Variants in CADPS observed in about 807,000 individuals in gnomAD.
The protein encoded by CADPS is calcium-dependent secretion activator 1.
A neutral mutation model predicts 167.3 loss-of-function variants in CADPS; 57 were observed. That is an observed-to-expected ratio of 0.34 (90% CI 0.28 to 0.42). The LOEUF is 0.42. Ranked by LOEUF, CADPS falls within the 20% of genes least tolerant of loss-of-function variation. The probability of loss-of-function intolerance (pLI) is 1.00; values close to 1 mark genes in which losing one functional copy is unlikely to be tolerated. For missense variants in CADPS, 1,414 were observed against 1,738.1 expected (o/e 0.81, Z 3.32); for synonymous variants, 676 against 635.3 (o/e 1.06, Z -0.96).
At chr3:62,403,834 A>C (rs540673859) in intron 28 of CADPS, 1 of 152,308 alleles carries the variant, frequency 6.6e-6, no homozygotes, top group East Asian at 1.9e-4. Flanking sequence ...AACACCAAAA[A>C]ATTATGGAAG....
chr3:62,690,624 T>C (rs1228788191), intron 3 of CADPS, among the ~76,000 whole-genome samples: 1 of 151,776 alleles, frequency 6.6e-6, no homozygotes, highest in African/African-American at 2.4e-5. Flanking sequence ...CAAATTCTGC[T>C]TGGTACCCAC....
intron 1 of CADPS, among the ~76,000 whole-genome samples, chr3:62,864,645 T>C (rs967787223): frequency 6.6e-6 from 1 of 152,150 alleles, no homozygotes; most frequent in Non-Finnish European, 1.5e-5. Flanking sequence ...GATTTCCCCA[T>C]TTTATAAGGA....
Position 62,428,296 on chromosome 3 carries a change from CTTTTTTTTTTTT to C in CADPS, c.3777+9796_3777+9807del, listed in dbSNP as rs34002756. ...TTGCAGCCACCTGGTGGAAGCAAGA[CTTTTTTTTTTTT>C]TTTTTTTTTTTTTTTTTTTTTAAAT... On this transcript the variant is annotated intron_variant, in intron 28 of 29. Transcript: ENST00000383710. Among the ~76,000 whole-genome samples, 638 of 64,682 alleles carry C rather than the reference CTTTTTTTTTTTT, an allele frequency of 9.9e-3. 6 individuals are homozygous for C. Among genetic ancestry groups the C allele is most frequent in the South Asian group, 0.017 (29 of 1,698 alleles). The allele number at this position is 64,682 out of a possible 152,430, so 42.4% of individuals were successfully genotyped here.
intron 13 of CADPS, among the ~76,000 whole-genome samples, chr3:62,519,523 A>G (rs1425894640): frequency 6.6e-6 from 1 of 152,138 alleles, no homozygotes; most frequent in Non-Finnish European, 1.5e-5. Flanking sequence ...TGTTCAGTCC[A>G]TTTCTTCATA....
intron 17 of CADPS, among the ~76,000 whole-genome samples, chr3:62,509,957 C>T (rs2151511906): frequency 6.6e-6 from 1 of 152,256 alleles, no homozygotes; most frequent in Admixed American, 6.5e-5. Context: ...AATCACAGCT[C>T]CTTCATCTGT....
At chr3:62,691,375 A>G (rs191360794) in intron 3 of CADPS, among the ~76,000 whole-genome samples, 1 of 152,024 alleles carries the variant, frequency 6.6e-6, no homozygotes, top group Non-Finnish European at 1.5e-5. Flanking sequence ...TTACAAATGC[A>G]TCATTCTGTT....
chr3:62,775,968 C>A (rs1041142404), intron 1 of CADPS, among the ~76,000 whole-genome samples: 1 of 152,162 alleles, frequency 6.6e-6, no homozygotes, highest in Non-Finnish European at 1.5e-5. Flanking sequence ...GGCACCACTG[C>A]CTTGGTTTGT....
chr3:62,773,450 G>A (rs1192413213), intron 1 of CADPS, among the ~76,000 whole-genome samples: 1 of 152,014 alleles, frequency 6.6e-6, no homozygotes. Context: ...GCAAGTTGAA[G>A]GGGGAAAAAC....
At chr3:62,757,777 A>G (rs1227376768) in intron 2 of CADPS, among the ~76,000 whole-genome samples, 2 of 152,234 alleles carry the variant, frequency 1.3e-5, no homozygotes, top group Non-Finnish European at 2.9e-5. Flanking sequence ...ATGGATTCAC[A>G]GTTCCACATG....
intron 3 of CADPS, among the ~76,000 whole-genome samples, chr3:62,733,848 ACCCTTCCTCCAGAG>A (rs1411583308): frequency 1.3e-5 from 2 of 151,846 alleles, no homozygotes; most frequent in African/African-American, 2.4e-5. Context: ...CCCAACTCCT[ACCCTTCCTCCAGAG>A]TCCCCAAAGC....
At chr3:62,794,547 C>A (rs1217657750) in intron 1 of CADPS, among the ~76,000 whole-genome samples, 1 of 152,068 alleles carries the variant, frequency 6.6e-6, no homozygotes, top group Non-Finnish European at 1.5e-5. Context: ...AACCATTCTG[C>A]ATAAGATGTT....
At chr3:62,797,710 C>T (rs557886540) in intron 1 of CADPS, among the ~76,000 whole-genome samples, 2 of 151,972 alleles carry the variant, frequency 1.3e-5, no homozygotes, top group Admixed American at 6.6e-5. Context: ...AAATAACTAA[C>T]GGGTACTAGG....
At chr3:62,409,747 C>G (rs936639564) in intron 28 of CADPS, among the ~76,000 whole-genome samples, 5 of 152,134 alleles carry the variant, frequency 3.3e-5, no homozygotes, top group Non-Finnish European at 5.9e-5. Flanking sequence ...GATACAAAAG[C>G]TATAACGTTG....
intron 3 of CADPS, among the ~76,000 whole-genome samples, chr3:62,706,053 T>C (rs1483116037): frequency 1.3e-5 from 2 of 152,104 alleles, no homozygotes; most frequent in Non-Finnish European, 2.9e-5. Context: ...GTTGTCACTA[T>C]CTGGGCTGCC....
At chr3:62,527,083 T>G (rs2072452458) in intron 13 of CADPS, among the ~76,000 whole-genome samples, 1 of 152,196 alleles carries the variant, frequency 6.6e-6, no homozygotes, top group Non-Finnish European at 1.5e-5. Context: ...CACCTAGTAC[T>G]CTGCATTTTA....
Position 62,656,298 on chromosome 3 carries a change from T to G in CADPS, c.970-5218A>C, listed in dbSNP as rs1579768245. The stretch of plus-strand genomic sequence containing the variant: ...ATGTTAGTTGGCACTTACTGAGTAC[T>G]AACTATGTGCTGGACACTAGGTGAA... On this transcript the variant is annotated intron_variant, in intron 4 of 29. Transcript: ENST00000383710. 2.6e-5 allele frequency among the ~76,000 whole-genome samples: 4 copies of G among 152,322 alleles called. No homozygotes were observed. The East Asian group carries it at 7.7e-4, about 29-fold the overall frequency.
chr3:62,794,200 G>T (rs1410952647), intron 1 of CADPS, among the ~76,000 whole-genome samples: 9 of 152,046 alleles, frequency 5.9e-5, no homozygotes, highest in Admixed American at 5.9e-4. Flanking sequence ...ATGAAACCTT[G>T]GCACATGATA....
At chr3:62,486,511 C>G (rs1447268369) in intron 21 of CADPS, among the ~76,000 whole-genome samples, 2 of 145,010 alleles carry the variant, frequency 1.4e-5, no homozygotes, top group Non-Finnish European at 3.0e-5. Context: ...TTAAAAAATA[C>G]TTTTTATATG....
At chr3:62,435,876 A>G (rs978498714) in intron 28 of CADPS, among the ~76,000 whole-genome samples, 1 of 152,112 alleles carries the variant, frequency 6.6e-6, no homozygotes, top group Admixed American at 6.6e-5. Context: ...GACTGGAGTT[A>G]CTTGTGAATT....
Sources: gnomAD v4.1 joint callset for allele counts (sites outside exome capture counted in the v4.1 genomes callset) on GRCh38, gnomAD v4.1.1 for gene constraint, MANE v1.5 for transcripts, NCBI Gene and HGNC (gene_info 2026-07-23, HGNC 2026-07-21) for gene names.